Variants in RBPJ observed in about 807,000 individuals in gnomAD.
RBPJ encodes recombining binding protein suppressor of hairless.
A neutral mutation model predicts 67.8 loss-of-function variants in RBPJ; 9 were observed. That is an observed-to-expected ratio of 0.13 (90% CI 0.08 to 0.23). The LOEUF is 0.23. Ranked by LOEUF, RBPJ falls within the 10% of genes least tolerant of loss-of-function variation. The probability of loss-of-function intolerance (pLI) is 1.00; values close to 1 mark genes in which losing one functional copy is unlikely to be tolerated. For missense variants in RBPJ, 305 were observed against 595.6 expected (o/e 0.51, Z 5.08); for synonymous variants, 198 against 203.3 (o/e 0.97, Z 0.22).
intron 1 of RBPJ, among the ~76,000 whole-genome samples, chr4:26,352,857 T>G (rs1402952697): frequency 6.6e-6 from 1 of 152,240 alleles, no homozygotes; most frequent in East Asian, 1.9e-4. Flanking sequence ...GGACATTGCT[T>G]CTTAGAGACC....
At chr4:26,381,483 A>G (rs1012905245) in intron 1 of RBPJ, among the ~76,000 whole-genome samples, 5 of 152,322 alleles carry the variant, frequency 3.3e-5, no homozygotes, top group Middle Eastern at 3.4e-3. Context: ...ACCTACACTA[A>G]CTAGCATTTT....
chr4:26,328,185 T>A (rs1450684176), intron 1 of RBPJ, among the ~76,000 whole-genome samples: 1 of 152,018 alleles, frequency 6.6e-6, no homozygotes, highest in Non-Finnish European at 1.5e-5. Flanking sequence ...TCCTAATCCA[T>A]ACACCATTTG....
rs572431978 is a variant in RBPJ, at chr4:26,394,193, A to T, written c.59+7802A>T. Among the ~76,000 whole-genome samples the T allele has an allele frequency of 7.2e-5, 11 of 151,904 alleles. No homozygotes were observed. In the East Asian group the frequency reaches 2.1e-3, roughly 29 times the overall value. On this transcript the variant is annotated intron_variant, in intron 2 of 10. Transcript: ENST00000355476. ...AGGTACCTGCCACCACACCCGGCTA[A>T]TTTTTTTGTATTTTTAGTAGAGACG...
At chr4:26,343,360 A>C (rs75794942) in intron 1 of RBPJ, 1 of 152,168 alleles carries the variant, frequency 6.6e-6, no homozygotes, top group Non-Finnish European at 1.5e-5. Context: ...TCTGTCATCA[A>C]ATATTTTTGC....
At chr4:26,378,541 A>T (rs1319459452) in intron 1 of RBPJ, among the ~76,000 whole-genome samples, 1 of 152,190 alleles carries the variant, frequency 6.6e-6, no homozygotes, top group East Asian at 1.9e-4. Flanking sequence ...AAACCTGGAA[A>T]CAATATTGGA....
At chr4:26,122,426 C>A in the RBPJ span, among the ~76,000 whole-genome samples, 1 of 152,162 alleles carries the variant, frequency 6.6e-6, no homozygotes, top group African/African-American at 2.4e-5. Flanking sequence ...TTCTGGCAGG[C>A]CAGAGAGCGA....
At position 26,282,614 on chromosome 4, in the gene RBPJ, G is replaced by A. The variant is rs1022119337; in HGVS notation, c.-166-79832G>A. Among the ~76,000 whole-genome samples, 10 of 151,712 alleles carry A rather than the reference G, an allele frequency of 6.6e-5. No homozygotes were observed. The East Asian group carries it at 7.7e-4, about 12-fold the overall frequency. On this transcript the variant is annotated intron_variant, in intron 1 of 4. Coordinates refer to the RBPJ transcript ENST00000512351. ...CTGCTCACTGCAACCTCTACCTCCC[G>A]GGTTCAAGCAATTCTCCTGCCTCAG... is the stretch of plus-strand genomic sequence containing the variant.
At chr4:26,339,970 G>A (rs1231564372) in intron 1 of RBPJ, among the ~76,000 whole-genome samples, 3 of 151,690 alleles carry the variant, frequency 2.0e-5, no homozygotes, top group Non-Finnish European at 4.4e-5. Context: ...AGTGAGGTGA[G>A]ACCACGCCAT....
intron 1 of RBPJ, among the ~76,000 whole-genome samples, chr4:26,178,336 G>A: frequency 6.6e-6 from 1 of 152,192 alleles, no homozygotes; most frequent in East Asian, 1.9e-4. Context: ...CTCCAGTGCT[G>A]CAGAAGTCCC....
At chr4:26,233,694 A>G (rs112646115) in intron 1 of RBPJ, among the ~76,000 whole-genome samples, 212 of 152,366 alleles carry the variant, frequency 1.4e-3, no homozygotes, top group African/African-American at 4.9e-3. Flanking sequence ...CACAGGCTAT[A>G]TGCCGTTATG....
At chr4:26,254,148 A>G (rs1342903240) in intron 1 of RBPJ, among the ~76,000 whole-genome samples, 3 of 148,978 alleles carry the variant, frequency 2.0e-5, no homozygotes, top group Non-Finnish European at 2.9e-5. Context: ...AACAAGGACA[A>G]TAGCATCCCA....
At chr4:26,167,435 C>T (rs925990856) in intron 1 of RBPJ, among the ~76,000 whole-genome samples, 1 of 147,380 alleles carries the variant, frequency 6.8e-6, no homozygotes, top group African/African-American at 2.5e-5. Context: ...CCTTCACGTC[C>T]CTTGTAAGTT....
At chr4:26,368,357 C>T (rs778935451) in intron 1 of RBPJ, among the ~76,000 whole-genome samples, 4 of 152,128 alleles carry the variant, frequency 2.6e-5, no homozygotes, top group Admixed American at 2.0e-4. Context: ...TTTTCCATAG[C>T]GTTGTTTTGG....
At chr4:26,154,300 A>T in the RBPJ span, among the ~76,000 whole-genome samples, 2 of 152,346 alleles carry the variant, frequency 1.3e-5, no homozygotes, top group Non-Finnish European at 1.5e-5. Context: ...GTAAAACAGG[A>T]TAAATAAGAT....
At chr4:26,197,829 A>G (rs895775857) in intron 1 of RBPJ, among the ~76,000 whole-genome samples, 6 of 152,062 alleles carry the variant, frequency 3.9e-5, no homozygotes, top group Admixed American at 3.3e-4. Context: ...GGGGAAGGGA[A>G]GGGAGGGGAG....
the RBPJ span, among the ~76,000 whole-genome samples, chr4:26,127,127 A>G: frequency 1.3e-5 from 2 of 152,074 alleles, no homozygotes; most frequent in African/African-American, 4.8e-5. Flanking sequence ...TTTAAAAGAG[A>G]TGCTTCCTGA....
chr4:26,171,679 C>T (rs1292248273), intron 1 of RBPJ, among the ~76,000 whole-genome samples: 1 of 152,182 alleles, frequency 6.6e-6, no homozygotes, highest in Non-Finnish European at 1.5e-5. Flanking sequence ...TGGGTGACAT[C>T]AGAAAGGATC....
Position 26,352,432 on chromosome 4 carries a change from G to GT in RBPJ, c.20+31386dup, listed in dbSNP as rs111450578. Among the ~76,000 whole-genome samples the GT allele has an allele frequency of 7.2e-5, 11 of 152,282 alleles. 1 individual carries two copies. The highest frequency in any genetic ancestry group is 2.6e-4 in the African/African-American group (11 of 41,572). ...AGGGCTTCCCTCCTGATATTGTGAC[G>GT]TTAGGGGTCAGGATTTCAATATATC... On this transcript the variant is annotated intron_variant, in intron 1 of 10. Transcript: ENST00000355476.
intron 1 of RBPJ, among the ~76,000 whole-genome samples, chr4:26,211,041 A>G (rs1718404929): frequency 6.6e-6 from 1 of 152,102 alleles, no homozygotes; most frequent in Non-Finnish European, 1.5e-5. Flanking sequence ...GCACAGGTGT[A>G]TAGACTCCCA....
Sources: gnomAD v4.1 joint callset for allele counts (sites outside exome capture counted in the v4.1 genomes callset) on GRCh38, gnomAD v4.1.1 for gene constraint, MANE v1.5 for transcripts, NCBI Gene and HGNC (gene_info 2026-07-23, HGNC 2026-07-21) for gene names.